The following ITPR1 variants were observed in gnomAD, a reference collection of about 807,000 sequenced individuals.
The protein encoded by ITPR1 is inositol 1,4,5-trisphosphate receptor type 1.
Under a neutral mutation model 318.4 loss-of-function variants are expected in ITPR1, and 96 were observed. That is an observed-to-expected ratio of 0.30 (90% CI 0.26 to 0.36). ITPR1 has a LOEUF of 0.36. ITPR1 is among the 10% of genes least tolerant of loss of function. ITPR1 has a pLI of 1.00. For synonymous variants in ITPR1, 1,312 were observed against 1,289.9 expected (o/e 1.02, Z -0.37); for missense variants, 2,440 against 3,460.2 (o/e 0.71, Z 7.40).
chr3:4,526,090 T>G (rs2082956793), intron 4 of ITPR1, among the ~76,000 whole-genome samples: 2 of 152,242 alleles, frequency 1.3e-5, no homozygotes, highest in Non-Finnish European at 2.9e-5. Flanking sequence ...AAACCTAATC[T>G]TCTCTGTTCA....
At chr3:4,521,666 C>T (rs1414594273) in intron 4 of ITPR1, among the ~76,000 whole-genome samples, 1 of 152,114 alleles carries the variant, frequency 6.6e-6, no homozygotes, top group Non-Finnish European at 1.5e-5. Flanking sequence ...TCTGGGAATT[C>T]TAGACCAGCC....
At chr3:4,685,881 A>C (rs1288322530) in intron 30 of ITPR1, among the ~76,000 whole-genome samples, 1 of 152,248 alleles carries the variant, frequency 6.6e-6, no homozygotes, top group African/African-American at 2.4e-5. Context: ...CCCACTTGAC[A>C]GATGAGGAGA....
intron 44 of ITPR1, chr3:4,751,367 C>T (rs530615807): frequency 6.6e-6 from 1 of 152,214 alleles, no homozygotes; most frequent in East Asian, 1.9e-4. Flanking sequence ...CTATGGCTGC[C>T]CAGGGAGTGG....
intron 4 of ITPR1, among the ~76,000 whole-genome samples, chr3:4,527,960 C>T (rs1462174721): frequency 1.3e-5 from 2 of 152,154 alleles, no homozygotes; most frequent in Non-Finnish European, 2.9e-5. Flanking sequence ...CTCCCAGCAG[C>T]TTAGGAAGGG....
chr3:4,825,667 G>A, intron 60 of ITPR1: 1 of 453,208 alleles, frequency 2.2e-6, no homozygotes, highest in South Asian at 1.6e-5. Context: ...GTGTTAACAA[G>A]GGCAAAAGAT....
intron 4 of ITPR1, among the ~76,000 whole-genome samples, chr3:4,524,304 T>G (rs2082799617): frequency 7.3e-6 from 1 of 137,200 alleles, no homozygotes; most frequent in Admixed American, 7.0e-5. Context: ...CTTTGACGTT[T>G]TTTTTTTTTT....
At chr3:4,693,860 A>T in intron 33 of ITPR1, 119 bp downstream of exon 33, 1 of 1,064,444 alleles carries the variant, frequency 9.4e-7, no homozygotes, top group South Asian at 1.7e-5. Flanking sequence ...TGAAAGCTGC[A>T]GCTCATTTTG....
intron 2 of ITPR1, among the ~76,000 whole-genome samples, chr3:4,500,672 G>A (rs779524503): frequency 2.0e-5 from 3 of 152,250 alleles, no homozygotes; most frequent in Non-Finnish European, 4.4e-5. Flanking sequence ...AAAGAATTCT[G>A]AATATAATCT....
intron 12 of ITPR1, among the ~76,000 whole-genome samples, chr3:4,655,750 G>A (rs1041353426): frequency 3.3e-5 from 5 of 152,154 alleles, no homozygotes; most frequent in African/African-American, 9.7e-5. Context: ...TGTGCCAGCA[G>A]CCTTGGGTGC....
chr3:4,828,760 A>G (rs529931047), intron 60 of ITPR1, among the ~76,000 whole-genome samples: 6 of 152,134 alleles, frequency 3.9e-5, no homozygotes, highest in Non-Finnish European at 7.4e-5. Context: ...AAGAACAACT[A>G]TGGAGTCTGG....
chr3:4,649,997 C>T (rs1350010744), intron 10 of ITPR1, among the ~76,000 whole-genome samples: 1 of 152,236 alleles, frequency 6.6e-6, no homozygotes, highest in African/African-American at 2.4e-5. Flanking sequence ...AGGACACACA[C>T]ATTTAGACCA....
At chr3:4,799,464 C>T (rs2048088178) in intron 53 of ITPR1, among the ~76,000 whole-genome samples, 1 of 152,068 alleles carries the variant, frequency 6.6e-6, no homozygotes, top group African/African-American at 2.4e-5. Flanking sequence ...TGAACTAGGG[C>T]AGCCAGCAGC....
At chr3:4,540,172 T>C (rs2084298666) in intron 4 of ITPR1, among the ~76,000 whole-genome samples, 5 of 152,132 alleles carry the variant, frequency 3.3e-5, no homozygotes, top group Admixed American at 2.6e-4. Context: ...GAGGTTATAT[T>C]AGTAAATGCT....
chr3:4,632,398 TCAAC>T (rs2093041828), intron 5 of ITPR1, among the ~76,000 whole-genome samples: 1 of 152,146 alleles, frequency 6.6e-6, no homozygotes, highest in Non-Finnish European at 1.5e-5. Flanking sequence ...ATACGGGAAA[TCAAC>T]AGGAATAAAG....
chr3:4,626,043 G>C (rs1396413575), intron 4 of ITPR1, among the ~76,000 whole-genome samples: 1 of 152,098 alleles, frequency 6.6e-6, no homozygotes, highest in Admixed American at 6.5e-5. Flanking sequence ...AGAAGCTGAG[G>C]CAGGAGGATG....
intron 36 of ITPR1, among the ~76,000 whole-genome samples, chr3:4,704,565 A>C (rs955930187): frequency 1.3e-5 from 2 of 150,366 alleles, no homozygotes; most frequent in African/African-American, 4.9e-5. Context: ...TGGAAAAAAG[A>C]AAAAAAAAAG....
At chr3:4,687,442 C>T (rs749808486) in intron 30 of ITPR1, among the ~76,000 whole-genome samples, 4 of 152,158 alleles carry the variant, frequency 2.6e-5, no homozygotes, top group Admixed American at 6.5e-5. Flanking sequence ...AAGAAATGTG[C>T]TCCAGGTCAC....
rs2124848316 is a variant in ITPR1 at position 4,493,607 on chromosome 3, T to TAGCG, written c.-93+3_-93+6dup. ...CGGCGTGGCTCCCCGGGCACCAAGG[T>TAGCG]AGCGGCTGGGGCCGGGCAGAGGGCG... On this transcript the variant is annotated splice_region_variant and intron_variant, in intron 1 of 61. Transcript: ENST00000649015. 6.6e-6 allele frequency: 1 copy of TAGCG among 152,594 alleles called. No individual in the cohort carries two copies. The highest frequency in any genetic ancestry group is 6.5e-5 in the Admixed American group (1 of 15,286). The allele number at this position is 152,594 out of a possible 1,614,324, so 9.5% of individuals were successfully genotyped here.
At chr3:4,675,312 G>A (rs976071805) in intron 23 of ITPR1, 64 bp downstream of exon 23, 2 of 1,181,190 alleles carry the variant, frequency 1.7e-6, no homozygotes, top group South Asian at 1.4e-5. Flanking sequence ...TTATGCTCAT[G>A]TCATACCCTA....
Sources: gnomAD v4.1 joint callset for allele counts (sites outside exome capture counted in the v4.1 genomes callset) on GRCh38, gnomAD v4.1.1 for gene constraint, MANE v1.5 for transcripts, NCBI Gene and HGNC (gene_info 2026-07-23, HGNC 2026-07-21) for gene names.